SPOCK1: variants seen among roughly 807,000 people sequenced by gnomAD.
SPOCK1 encodes SPARC (osteonectin), cwcv and kazal like domains proteoglycan 1.
A neutral mutation model predicts 55.3 loss-of-function variants in SPOCK1; 23 were observed. The observed-to-expected ratio is 0.42, with a 90% confidence interval of 0.30 to 0.59. The LOEUF is 0.59. Ranked by LOEUF, SPOCK1 falls within the 20% of genes least tolerant of loss-of-function variation. SPOCK1 has a pLI of 0.22. For synonymous variants in SPOCK1, 226 were observed against 221.0 expected (o/e 1.02, Z -0.20); for missense variants, 499 against 552.5 (o/e 0.90, Z 0.97).
chr5:137,225,826 C>T (rs542851362), intron 3 of SPOCK1, among the ~76,000 whole-genome samples: 1 of 152,182 alleles, frequency 6.6e-6, no homozygotes, highest in African/African-American at 2.4e-5. Flanking sequence ...GAAAGACAAG[C>T]CAACTTCAAG....
intron 2 of SPOCK1, among the ~76,000 whole-genome samples, chr5:137,283,239 C>T (rs1237929313): frequency 1.3e-5 from 2 of 152,218 alleles, no homozygotes; most frequent in Non-Finnish European, 2.9e-5. Context: ...CCCTCATGAT[C>T]TTCCTCCCTA....
At chr5:137,476,308 A>C (rs2149841064) in intron 2 of SPOCK1, among the ~76,000 whole-genome samples, 1 of 152,326 alleles carries the variant, frequency 6.6e-6, no homozygotes, top group Non-Finnish European at 1.5e-5. Context: ...TAGAAAAGAG[A>C]AGCAGAGAAC....
chr5:137,053,818 T>G (rs1294393426), intron 6 of SPOCK1, among the ~76,000 whole-genome samples: 4 of 152,168 alleles, frequency 2.6e-5, no homozygotes, highest in African/African-American at 9.7e-5. Context: ...TAGAAGACTT[T>G]ACTTGCATTT....
chr5:137,418,700 A>G (rs1752410913), intron 2 of SPOCK1, among the ~76,000 whole-genome samples: 1 of 152,160 alleles, frequency 6.6e-6, no homozygotes, highest in Non-Finnish European at 1.5e-5. Flanking sequence ...TCTGGATATT[A>G]GCCCTTTGTC....
intron 5 of SPOCK1, among the ~76,000 whole-genome samples, chr5:137,106,118 C>A (rs1271544465): frequency 6.6e-6 from 1 of 151,918 alleles, no homozygotes; most frequent in East Asian, 1.9e-4. Flanking sequence ...TTAGACACCC[C>A]CACCCCCCAC....
chr5:137,004,184 A>G (rs777231754), intron 6 of SPOCK1, among the ~76,000 whole-genome samples: 2 of 152,162 alleles, frequency 1.3e-5, no homozygotes, highest in Non-Finnish European at 2.9e-5. Flanking sequence ...CCCACTTGGA[A>G]TTGAGGCCAG....
intron 6 of SPOCK1, among the ~76,000 whole-genome samples, chr5:137,014,290 T>C (rs373379646): frequency 3.3e-5 from 5 of 152,196 alleles, no homozygotes; most frequent in African/African-American, 1.2e-4. Context: ...AGCACTATGC[T>C]TCCTGTTCAG....
At chr5:137,012,131 A>G (rs78330495) in intron 6 of SPOCK1, among the ~76,000 whole-genome samples, 3,961 of 152,266 alleles carry the variant, frequency 0.026, 133 homozygotes, top group African/African-American at 0.072. Context: ...TCATTGACTC[A>G]GCACACGAAC....
At chr5:137,129,653 G>A (rs988647315) in intron 4 of SPOCK1, among the ~76,000 whole-genome samples, 1 of 152,198 alleles carries the variant, frequency 6.6e-6, no homozygotes, top group Non-Finnish European at 1.5e-5. Flanking sequence ...TCCAAGTGGA[G>A]TCAGTCAGGG....
chr5:137,440,089 G>A (rs1308299481), intron 2 of SPOCK1, among the ~76,000 whole-genome samples: 4 of 151,898 alleles, frequency 2.6e-5, no homozygotes, highest in African/African-American at 4.8e-5. Flanking sequence ...CAGGGAGGGG[G>A]AAAAATCTTT....
chr5:137,122,203 A>G (rs1347166755), intron 4 of SPOCK1, among the ~76,000 whole-genome samples: 1 of 151,672 alleles, frequency 6.6e-6, no homozygotes, highest in Admixed American at 6.6e-5. Flanking sequence ...GTTGTTGAAC[A>G]AGCAAGGCCC....
intron 6 of SPOCK1, among the ~76,000 whole-genome samples, chr5:137,000,301 C>T (rs1751124968): frequency 2.0e-5 from 3 of 152,158 alleles, no homozygotes; most frequent in Admixed American, 6.5e-5. Flanking sequence ...GTAGAAGGTC[C>T]AGCTGAGCCT....
intron 5 of SPOCK1, among the ~76,000 whole-genome samples, chr5:137,079,547 A>G (rs1403011544): frequency 2.4e-5 from 2 of 81,680 alleles, no homozygotes; most frequent in East Asian, 3.8e-4. Flanking sequence ...CCCCCCCCCG[A>G]CTTAGTGAAA....
rs752194074 is a variant in SPOCK1, at chr5:136,985,171, A to T, written c.960T>A (p.Ile320=). 1.2e-6 allele frequency: 2 copies of T among 1,614,010 alleles called. No homozygotes were observed. ...GLPCQNEMNR[I]QKLSKGKSLL... Reference sequence around the variant, plus strand: ...GGCTTTTCCCCTTACTCAGCTTCTGAATTCTGTTCATTTCATTCTGGCAAG... The same window carrying T: ...GGCTTTTCCCCTTACTCAGCTTCTGTATTCTGTTCATTTCATTCTGGCAAG... The change falls in exon 9 of 11, where the codon ATT becomes ATA. Residue 320 remains isoleucine, a synonymous_variant. Transcript: ENST00000394945.
In SPOCK1 at chr5:136,977,899, A is replaced by C; in HGVS notation, c.*755T>G. ...TGTTCCAGGTCTGGACAAGCTGAGAAATTTATCATTGTTTTTCGAGTTTTT... is the reference window on the plus strand; with the variant it reads ...TGTTCCAGGTCTGGACAAGCTGAGACATTTATCATTGTTTTTCGAGTTTTT... On this transcript the variant is annotated 3_prime_UTR_variant, in exon 11 of 11. Coordinates refer to ENST00000394945, the MANE Select transcript of SPOCK1 (RefSeq NM_004598.4). 2.5e-6 allele frequency: 1 copy of C among 398,676 alleles called. No homozygotes were observed. Among genetic ancestry groups the C allele is most frequent in the South Asian group, 1.3e-4 (1 of 7,834 alleles). 24.7% of individuals were successfully genotyped at this position (398,676 alleles called of 1,614,324 possible).
intron 3 of SPOCK1, among the ~76,000 whole-genome samples, chr5:137,219,981 T>TGG (rs1292044708): frequency 6.6e-6 from 1 of 152,174 alleles, no homozygotes; most frequent in Non-Finnish European, 1.5e-5. Context: ...CTCTAAGCCC[T>TGG]GGGCAACCCA....
chr5:137,429,298 C>G (rs1752696375), intron 2 of SPOCK1, among the ~76,000 whole-genome samples: 1 of 152,082 alleles, frequency 6.6e-6, no homozygotes, highest in South Asian at 2.1e-4. Context: ...TTACATGTAC[C>G]CTTCATCTCT....
chr5:137,151,166 T>C (rs183960021), intron 3 of SPOCK1, among the ~76,000 whole-genome samples: 2 of 152,206 alleles, frequency 1.3e-5, no homozygotes, highest in Admixed American at 1.3e-4. Flanking sequence ...AATTTTTTTT[T>C]TGTTGCTGTA....
At chr5:137,136,769 C>G (rs1338432690) in intron 4 of SPOCK1, among the ~76,000 whole-genome samples, 1 of 152,196 alleles carries the variant, frequency 6.6e-6, no homozygotes, top group Admixed American at 6.5e-5. Flanking sequence ...TTGTGCATAA[C>G]TGGCCCTTTT....
Sources: gnomAD v4.1 joint callset for allele counts (sites outside exome capture counted in the v4.1 genomes callset) on GRCh38, gnomAD v4.1.1 for gene constraint, MANE v1.5 for transcripts, NCBI Gene and HGNC (gene_info 2026-07-23, HGNC 2026-07-21) for gene names.